The following ADCY9 variants were observed in gnomAD, a reference collection of about 807,000 sequenced individuals.
ADCY9 encodes adenylate cyclase 9.
A neutral mutation model predicts 101.5 loss-of-function variants in ADCY9; 50 were observed. The ratio of observed to expected loss-of-function variants is 0.49; its 90% CI spans 0.39 to 0.62. The LOEUF is 0.62. Ranked by LOEUF, ADCY9 falls within the 20% of genes least tolerant of loss-of-function variation. ADCY9 has a pLI of 0.00. For synonymous variants in ADCY9, 905 were observed against 769.3 expected (o/e 1.18, Z -2.92); for missense variants, 1,662 against 1,800.4 (o/e 0.92, Z 1.39).
At chr16:4,072,881 C>G (rs757373782) in intron 2 of ADCY9, among the ~76,000 whole-genome samples, 1 of 151,208 alleles carries the variant, frequency 6.6e-6, no homozygotes, top group Non-Finnish European at 1.5e-5. Context: ...AGAATTATAG[C>G]AGACTTCTCA....
intron 4 of ADCY9, 141 bp downstream of exon 4, chr16:3,993,265 C>T: frequency 3.5e-6 from 5 of 1,436,144 alleles, no homozygotes; most frequent in Non-Finnish European, 4.7e-6. Context: ...CTCTTCAACA[C>T]CCGGAGGACC....
At chr16:4,011,118 G>A (rs554478623) in intron 2 of ADCY9, among the ~76,000 whole-genome samples, 2 of 152,266 alleles carry the variant, frequency 1.3e-5, no homozygotes, top group South Asian at 2.1e-4. Flanking sequence ...ACTGAAAGAC[G>A]GGGCGAGGTC....
chr16:4,012,351 G>C (rs974203742), intron 2 of ADCY9, among the ~76,000 whole-genome samples: 10 of 152,050 alleles, frequency 6.6e-5, no homozygotes, highest in Non-Finnish European at 1.5e-4. Context: ...ACAGGTTACT[G>C]AGTTCAAGCC....
At chr16:4,067,742 G>A (rs1412052288) in intron 2 of ADCY9, among the ~76,000 whole-genome samples, 1 of 152,154 alleles carries the variant, frequency 6.6e-6, no homozygotes, top group Admixed American at 6.5e-5. Flanking sequence ...CAAAAGGATG[G>A]ATCTCCCTCA....
intron 2 of ADCY9, among the ~76,000 whole-genome samples, chr16:4,053,133 C>T (rs1340061736): frequency 6.7e-6 from 1 of 150,362 alleles, no homozygotes; most frequent in Non-Finnish European, 1.5e-5. Flanking sequence ...GTGGGACGAA[C>T]GTGATTATTC....
At chr16:3,983,536 G>T in intron 6 of ADCY9, 96 bp from the exon 7 acceptor site, 1 of 1,042,250 alleles carries the variant, frequency 9.6e-7, no homozygotes, top group Non-Finnish European at 1.4e-6. Flanking sequence ...GCGGAGCACT[G>T]CTGCTCTGGG....
chr16:4,029,090 A>G (rs1222642201), intron 2 of ADCY9, among the ~76,000 whole-genome samples: 1 of 152,058 alleles, frequency 6.6e-6, no homozygotes, highest in Non-Finnish European at 1.5e-5. Flanking sequence ...GCCTAGCTAT[A>G]TATTTTTTAA....
intron 2 of ADCY9, among the ~76,000 whole-genome samples, chr16:4,107,686 C>T (rs574271711): frequency 2.0e-5 from 3 of 151,152 alleles, no homozygotes; most frequent in East Asian, 2.0e-4. Flanking sequence ...GACAAGCTAA[C>T]GGGGGAAGGA....
chr16:4,115,231 C>T lies in ADCY9; in HGVS notation c.212G>A (p.Gly71Asp). ...GGVPRRVGGG[G>D]RLRRQKKLPQ... ...CAGCTTCTTCTGCCTGCGCAGCCGG[C>T]CTCCGCCGCCCACTCGCCGGGGGAC... The change falls in exon 2 of 11, where the codon GGC (glycine) becomes GAC (aspartate). Residue 71 changes from glycine (G) to aspartate (D), a missense_variant. Physicochemically the swap from Gly to Asp is moderately conservative, Grantham distance 94. Transcript: ENST00000294016. This position sits in a 1 kb window ranked among gnomAD's most constrained non-coding sequence, Gnocchi z 6.2. 1 of 1,613,224 alleles carries T rather than the reference C, an allele frequency of 6.2e-7. No homozygotes were observed. The highest frequency in any genetic ancestry group is 8.5e-7 in the Non-Finnish European group (1 of 1,179,594).
At chr16:4,032,619 C>T (rs541889937) in intron 2 of ADCY9, among the ~76,000 whole-genome samples, 119 of 151,144 alleles carry the variant, frequency 7.9e-4, no homozygotes, top group African/African-American at 2.7e-3. Flanking sequence ...AAGAGATTCT[C>T]GTGCCTCAGC....
At chr16:4,003,798 C>T (rs1438187879) in intron 3 of ADCY9, among the ~76,000 whole-genome samples, 2 of 152,022 alleles carry the variant, frequency 1.3e-5, no homozygotes, top group African/African-American at 4.8e-5. Context: ...CCCTGCCCGC[C>T]GTGGTCCGCC....
rs1266378963 is a variant in ADCY9 at position 4,115,777 on chromosome 16, G to T, written c.-131C>A. Reference sequence around the variant, plus strand: ...GCCTTCCGCGCCTCTCGCCCCGAGGGTGGCCTCCGCGCCGCGCGGCTTCTC... The same window carrying T: ...GCCTTCCGCGCCTCTCGCCCCGAGGTTGGCCTCCGCGCCGCGCGGCTTCTC... On this transcript the variant is annotated 5_prime_UTR_variant, in exon 1 of 11. Transcript: ENST00000294016. The surrounding 1 kb of genome is among the most constrained non-coding windows in gnomAD (Gnocchi z 6.2). The T allele has an allele frequency of 4.9e-6, 2 of 404,684 alleles. No individual in the cohort carries two copies. The highest frequency in any genetic ancestry group is 8.7e-6 in the Non-Finnish European group (2 of 230,200). 25.1% of individuals were successfully genotyped at this position (404,684 alleles called of 1,614,324 possible). A position where few individuals can be genotyped will look rare whatever the true frequency, so the allele number is the denominator to read the frequency against.
intron 2 of ADCY9, among the ~76,000 whole-genome samples, chr16:4,044,931 G>A (rs1208880107): frequency 1.3e-5 from 2 of 152,062 alleles, no homozygotes; most frequent in East Asian, 1.9e-4. Flanking sequence ...CCCGGCTCCC[G>A]CACGTGACTG....
chr16:4,091,374 C>T (rs1003703883), intron 2 of ADCY9, among the ~76,000 whole-genome samples: 1 of 152,128 alleles, frequency 6.6e-6, no homozygotes, highest in African/African-American at 2.4e-5. Context: ...GCACCCAGCC[C>T]AAGTTCCTCA....
At chr16:4,007,161 G>A (rs1369148046) in intron 3 of ADCY9, among the ~76,000 whole-genome samples, 1 of 152,118 alleles carries the variant, frequency 6.6e-6, no homozygotes, top group East Asian at 1.9e-4. Context: ...GAAAGGCAAT[G>A]GAGGTGCGTC....
At position 3,966,608 on chromosome 16, in the gene ADCY9, C is replaced by T; in HGVS notation, c.3229G>A (p.Gly1077Ser). 1 of 1,614,198 alleles carries T rather than the reference C, an allele frequency of 6.2e-7. No individual in the cohort carries two copies. Among genetic ancestry groups the T allele is most frequent in the Non-Finnish European group, 8.5e-7 (1 of 1,180,044 alleles). Residue 1077 changes from glycine to serine, a missense_variant, in exon 11 of 11, where the codon GGC becomes AGC. Gly to Ser is a moderately conservative substitution (Grantham distance 56, BLOSUM62 0). Transcript: ENST00000294016. The part of the protein sequence containing the change: ...FSEFYEENYE[G>S]GKECYRVLNE... ...AGGACCCGGTAGCACTCCTTGCCGC[C>T]CTCGTAGTTCTCCTCGTAGAACTCG...
At chr16:4,090,736 C>G (rs1022635619) in intron 2 of ADCY9, among the ~76,000 whole-genome samples, 1 of 151,056 alleles carries the variant, frequency 6.6e-6, no homozygotes. Flanking sequence ...TGTTTAAATA[C>G]TACTTTTTTT....
chr16:4,094,452 T>G (rs1406273618), intron 2 of ADCY9, among the ~76,000 whole-genome samples: 1 of 152,162 alleles, frequency 6.6e-6, no homozygotes, highest in Non-Finnish European at 1.5e-5. Flanking sequence ...AGCAGCCTCT[T>G]TGCTGTTTGT....
intron 2 of ADCY9, among the ~76,000 whole-genome samples, chr16:4,080,546 A>C (rs2056895198): frequency 6.6e-6 from 1 of 152,082 alleles, no homozygotes; most frequent in South Asian, 2.1e-4. Context: ...GGCATGACCC[A>C]CCGTTCCCAG....
Sources: allele counts gnomAD v4.1 joint callset (sites outside exome capture counted in the v4.1 genomes callset), GRCh38; gene constraint gnomAD v4.1.1; non-coding constraint Gnocchi (gnomAD v3.1); transcripts MANE v1.5; gene names NCBI Gene and HGNC (gene_info 2026-07-23, HGNC 2026-07-21).